Variants in MCF2L observed in about 807,000 individuals in gnomAD.
MCF2L encodes guanine nucleotide exchange factor DBS.
In MCF2L, 97 loss-of-function variants were observed where a neutral mutation model predicts 153.4. The observed-to-expected ratio is 0.63, with a 90% CI of 0.54 to 0.75. The LOEUF (loss-of-function observed/expected upper bound fraction) is 0.75, where lower values mean the gene tolerates loss of function less well. Ranked by LOEUF, MCF2L falls within the 30% of genes least tolerant of loss-of-function variation. MCF2L has a pLI of 0.00. For synonymous variants in MCF2L, 659 were observed against 632.2 expected, an observed-to-expected ratio of 1.04 and a Z score of -0.64; for missense variants, 1,347 against 1,495.2, an observed-to-expected ratio of 0.90 and a Z score of 1.64.
At chr13:113,015,348 T>C (rs774866802) in intron 2 of MCF2L, among the ~76,000 whole-genome samples, 6 of 152,220 alleles carry the variant, frequency 3.9e-5, no homozygotes, top group Admixed American at 2.0e-4. Flanking sequence ...CCCCGAGCTA[T>C]GTAGATGCCG....
chr13:112,914,437 T>A (rs577041313), intron 2 of MCF2L, among the ~76,000 whole-genome samples: 63 of 152,176 alleles, frequency 4.1e-4, no homozygotes, highest in Non-Finnish European at 7.5e-4. Context: ...ACTGTAGTGG[T>A]GCAATTAGTA....
At chr13:113,079,967 G>A (rs932358946) in intron 15 of MCF2L, among the ~76,000 whole-genome samples, 46 of 146,926 alleles carry the variant, frequency 3.1e-4, no homozygotes, top group Non-Finnish European at 4.7e-4. Flanking sequence ...CCAGGCAGAG[G>A]AACGTCTGAA....
At chr13:113,092,719 C>T (rs1190666487) in intron 26 of MCF2L, among the ~76,000 whole-genome samples, 1 of 152,280 alleles carries the variant, frequency 6.6e-6, no homozygotes, top group Admixed American at 6.5e-5. Flanking sequence ...CTGGCCTGGC[C>T]TGTGGCTGCC....
intron 3 of MCF2L, among the ~76,000 whole-genome samples, chr13:113,033,016 G>A (rs1271052450): frequency 6.6e-6 from 1 of 150,612 alleles, no homozygotes; most frequent in Non-Finnish European, 1.5e-5. Flanking sequence ...TGGCCCCCGT[G>A]ACATTAGTGG....
Position 112,953,234 on chromosome 13 carries a change from G to T in MCF2L, c.169+50863G>T, listed in dbSNP as rs534748455. The stretch of plus-strand genomic sequence containing the variant: ...CGTTTCCAGGTCTGCTTTTCTGTAG[G>T]AATGTGGGGAAGCTCTGGCCATCTG... On this transcript the variant is annotated intron_variant, in intron 2 of 29. Transcript: ENST00000375608. 7.2e-5 allele frequency among the ~76,000 whole-genome samples: 11 copies of T among 152,330 alleles called. No individual in the cohort carries two copies. The East Asian group carries it at 1.7e-3, about 24-fold the overall frequency.
intron 1 of MCF2L, among the ~76,000 whole-genome samples, chr13:112,984,351 C>T (rs1469681216): frequency 6.6e-6 from 1 of 152,078 alleles, no homozygotes. Context: ...TCTCCTGCCT[C>T]AGCCTCCCGA....
chr13:113,029,831 T>C (rs1357783996), intron 3 of MCF2L, among the ~76,000 whole-genome samples: 1 of 152,206 alleles, frequency 6.6e-6, no homozygotes, highest in Non-Finnish European at 1.5e-5. Context: ...GCCAGCACAT[T>C]CTTTAAGTGG....
intron 17 of MCF2L, among the ~76,000 whole-genome samples, chr13:113,083,287 G>C (rs1030617182): frequency 6.6e-6 from 1 of 152,210 alleles, no homozygotes; most frequent in Non-Finnish European, 1.5e-5. Flanking sequence ...GGAATCGCCA[G>C]TGCTTGGGAT....
upstream of MCF2L, chr13:112,969,188 G>T: frequency 1.1e-6 from 1 of 899,398 alleles, no homozygotes; most frequent in Non-Finnish European, 1.4e-6. The surrounding 1 kb of genome is among the most constrained non-coding windows in gnomAD (Gnocchi z 4.8). Flanking sequence ...CCCCCGCGGC[G>T]CAGCGCGCGC....
At chr13:112,909,365 G>A (rs894251769) in intron 2 of MCF2L, 2 of 773,172 alleles carry the variant, frequency 2.6e-6, no homozygotes, top group Admixed American at 3.4e-5. Flanking sequence ...TCCCCGCCCA[G>A]CATGGGTTGA....
chr13:113,045,150 A>G lies in MCF2L; in HGVS notation c.279-121A>G. ...CCGTGTGCCATGCCTCTCACCTGGT[A>G]TTGCAGAAATGGCATCATGAATATG... On this transcript the variant is annotated intron_variant, in intron 3 of 29. Transcript: ENST00000535094. This position sits in a 1 kb window ranked among gnomAD's most constrained non-coding sequence, Gnocchi z 4.2. The G allele has an allele frequency of 1.3e-5, 13 of 965,662 alleles. No individual in the cohort carries two copies. In the South Asian group the frequency reaches 1.7e-4, roughly 12 times the overall value. The allele number at this position is 965,662 out of a possible 1,614,324, so 59.8% of individuals were successfully genotyped here.
intron 1 of MCF2L, among the ~76,000 whole-genome samples, chr13:112,973,992 C>T (rs367952279): frequency 2.0e-5 from 3 of 152,152 alleles, no homozygotes; most frequent in East Asian, 1.9e-4. Context: ...TCTTCAAAGC[C>T]GCTCCTGACT....
At chr13:112,948,318 A>C (rs1338888834) in intron 2 of MCF2L, among the ~76,000 whole-genome samples, 1 of 152,212 alleles carries the variant, frequency 6.6e-6, no homozygotes, top group Non-Finnish European at 1.5e-5. Context: ...CAAGCTGAGA[A>C]TTTTTAAATC....
chr13:113,081,349 G>T, intron 16 of MCF2L, 70 bp downstream of exon 16: 1 of 1,425,734 alleles, frequency 7.0e-7, no homozygotes, highest in South Asian at 1.3e-5. Context: ...GGCTTCCTCT[G>T]ACAACTGCTG....
intron 1 of MCF2L, among the ~76,000 whole-genome samples, chr13:112,895,421 G>A (rs1478118263): frequency 6.6e-6 from 1 of 152,150 alleles, no homozygotes; most frequent in Non-Finnish European, 1.5e-5. Context: ...AGTCCCCAGG[G>A]CTGCAGGCTG....
rs914434462 is a variant in MCF2L, at chr13:113,027,093, A to G, written c.278+2335A>G. Reference sequence around the variant, plus strand: ...ATATGGCATCTGTATCCCGCACATTACATAAGGTGGCAAAACACAGAGGAG... The same window carrying G: ...ATATGGCATCTGTATCCCGCACATTGCATAAGGTGGCAAAACACAGAGGAG... On this transcript the variant is annotated intron_variant, in intron 3 of 29. Coordinates refer to ENST00000535094, the MANE Select transcript of MCF2L (RefSeq NM_001112732.3). The surrounding 1 kb of genome is among the most constrained non-coding windows in gnomAD (Gnocchi z 4.8). 6.8e-6 allele frequency: 5 copies of G among 740,314 alleles called. No homozygotes were observed. In the African/African-American group the frequency reaches 6.8e-5, roughly 10 times the overall value. The allele number at this position is 740,314 out of a possible 1,614,324, so 45.9% of individuals were successfully genotyped here.
chr13:112,968,858 C>T (rs2140798129), upstream of MCF2L: 5 of 1,030,300 alleles, frequency 4.9e-6, no homozygotes, highest in Admixed American at 1.2e-4. Flanking sequence ...GTGCGGCACC[C>T]GCGGGGCTCC....
chr13:112,998,739 C>T (rs1468652564), intron 1 of MCF2L, among the ~76,000 whole-genome samples: 2 of 152,194 alleles, frequency 1.3e-5, no homozygotes, highest in South Asian at 2.1e-4. Context: ...TGTGGTTTCA[C>T]GTGCACTGTC....
intron 2 of MCF2L, among the ~76,000 whole-genome samples, chr13:112,912,822 G>T (rs2081246954): frequency 6.6e-6 from 1 of 150,730 alleles, no homozygotes; most frequent in South Asian, 2.1e-4. Flanking sequence ...GTATGTATGG[G>T]GTGTGCCTGT....
Sources: allele counts gnomAD v4.1 joint callset (sites outside exome capture counted in the v4.1 genomes callset), GRCh38; gene constraint gnomAD v4.1.1; non-coding constraint Gnocchi (gnomAD v3.1); transcripts MANE v1.5; gene names NCBI Gene and HGNC (gene_info 2026-07-23, HGNC 2026-07-21).